UNC13C: variants seen among roughly 807,000 people sequenced by gnomAD.
UNC13C encodes unc-13 homolog C.
In UNC13C, 174 loss-of-function variants were observed where a neutral mutation model predicts 245.4. The ratio of observed to expected loss-of-function variants is 0.71; its 90% CI spans 0.63 to 0.80. The LOEUF (loss-of-function observed/expected upper bound fraction) is 0.80, where lower values mean the gene tolerates loss of function less well. Ranked by LOEUF, UNC13C falls within the 30% of genes least tolerant of loss-of-function variation. UNC13C has a pLI of 0.00. For missense variants in UNC13C, 2,829 were observed against 2,602.9 expected, an observed-to-expected ratio of 1.09 and a Z score of -1.89; for synonymous variants, 992 against 895.1, an observed-to-expected ratio of 1.11 and a Z score of -1.93.
intron 19 of UNC13C, among the ~76,000 whole-genome samples, chr15:54,454,475 G>T (rs1190370681): frequency 6.6e-6 from 1 of 151,952 alleles, no homozygotes; most frequent in African/African-American, 2.4e-5. Context: ...GGTCTCAGGA[G>T]GCTGAGGCTG....
chr15:53,885,504 T>A, the UNC13C span, among the ~76,000 whole-genome samples: 1 of 152,218 alleles, frequency 6.6e-6, no homozygotes, highest in African/African-American at 2.4e-5. Flanking sequence ...TGTCATTGGA[T>A]CATACTCTTG....
At chr15:54,163,314 GA>G (rs933280070) in intron 4 of UNC13C, among the ~76,000 whole-genome samples, 3 of 151,944 alleles carry the variant, frequency 2.0e-5, no homozygotes, top group African/African-American at 7.3e-5. Context: ...AAAAGACAAG[GA>G]AAAAAAATCT....
At chr15:54,495,973 G>C (rs2141090753) in intron 20 of UNC13C, among the ~76,000 whole-genome samples, 1 of 152,088 alleles carries the variant, frequency 6.6e-6, no homozygotes. Context: ...TTTTAGTTAA[G>C]TAGGAGGAAT....
intron 30 of UNC13C, among the ~76,000 whole-genome samples, chr15:54,610,271 T>C (rs1429548253): frequency 6.6e-6 from 1 of 152,174 alleles, no homozygotes; most frequent in Non-Finnish European, 1.5e-5. Flanking sequence ...AGTCTTGCTC[T>C]GTCGCCCAGG....
At chr15:54,490,193 T>TA (rs1893631864) in intron 19 of UNC13C, among the ~76,000 whole-genome samples, 1 of 152,196 alleles carries the variant, frequency 6.6e-6, no homozygotes, top group South Asian at 2.1e-4. Flanking sequence ...CCCTGATACT[T>TA]AGAGTTATCA....
Position 54,012,958 on chromosome 15 carries a change from A to G in UNC13C, c.55A>G (p.Lys19Glu). ...LILPYIHKLC[K>E]GMFTKKLGNT... ...TTTACCTTACATTCATAAGCTTTGC[A>G]AAGGAATGTTTACAAAGAAATTGGG... The change falls in exon 2 of 33, where the codon AAA becomes GAA. Residue 19 changes from lysine to glutamate, a missense_variant. Coordinates refer to ENST00000260323, the MANE Select transcript of UNC13C (RefSeq NM_001080534.3). 1 of 1,613,466 alleles carries G rather than the reference A, an allele frequency of 6.2e-7. No individual in the cohort carries two copies. Among genetic ancestry groups the G allele is most frequent in the Non-Finnish European group, 8.5e-7 (1 of 1,179,718 alleles).
At chr15:54,339,656 T>C (rs575522452) in intron 17 of UNC13C, among the ~76,000 whole-genome samples, 16 of 151,942 alleles carry the variant, frequency 1.1e-4, no homozygotes, top group African/African-American at 3.1e-4. Context: ...TATATATATA[T>C]ATATATATCA....
intron 4 of UNC13C, among the ~76,000 whole-genome samples, chr15:54,171,317 C>T (rs1237697859): frequency 1.3e-5 from 2 of 152,004 alleles, no homozygotes; most frequent in African/African-American, 4.8e-5. Context: ...AAGAGACAAT[C>T]CACAGAATGG....
chr15:54,530,811 G>T (rs981831242), intron 25 of UNC13C, among the ~76,000 whole-genome samples: 4 of 152,092 alleles, frequency 2.6e-5, no homozygotes, highest in Admixed American at 2.0e-4. Flanking sequence ...ACAGAAGGAA[G>T]AGTGGCAAGA....
chr15:54,178,920 C>T (rs1567072391), intron 4 of UNC13C, among the ~76,000 whole-genome samples: 1 of 151,994 alleles, frequency 6.6e-6, no homozygotes, highest in Non-Finnish European at 1.5e-5. Context: ...ATGATATCTA[C>T]CAAATTTGGA....
chr15:54,427,179 C>T (rs2040775967), intron 19 of UNC13C, among the ~76,000 whole-genome samples: 1 of 151,732 alleles, frequency 6.6e-6, no homozygotes, highest in Non-Finnish European at 1.5e-5. Flanking sequence ...CCCACTGAAA[C>T]CTCAACTCGA....
chr15:54,099,310 G>A (rs916697277), intron 2 of UNC13C, among the ~76,000 whole-genome samples: 1 of 152,054 alleles, frequency 6.6e-6, no homozygotes, highest in South Asian at 2.1e-4. Flanking sequence ...GCCAGGTCAG[G>A]GTTAAATCTA....
intron 2 of UNC13C, among the ~76,000 whole-genome samples, chr15:54,124,359 A>G (rs982901232): frequency 5.3e-5 from 8 of 152,198 alleles, no homozygotes; most frequent in African/African-American, 1.9e-4. Context: ...GAGACATTTC[A>G]CTATGGTTTT....
chr15:54,225,983 C>T (rs1384802058), intron 4 of UNC13C, among the ~76,000 whole-genome samples: 3 of 152,126 alleles, frequency 2.0e-5, no homozygotes, highest in East Asian at 1.9e-4. Context: ...TATGTTCCTT[C>T]AATACCTAGT....
chr15:54,120,315 T>C (rs528457855), intron 2 of UNC13C, among the ~76,000 whole-genome samples: 130 of 152,258 alleles, frequency 8.5e-4, no homozygotes, highest in African/African-American at 3.1e-3. Context: ...TTGGGAATTA[T>C]GCTGAGTCTA....
intron 19 of UNC13C, among the ~76,000 whole-genome samples, chr15:54,419,269 G>A (rs947764796): frequency 6.6e-6 from 1 of 152,104 alleles, no homozygotes; most frequent in African/African-American, 2.4e-5. Flanking sequence ...TAACTGGTCA[G>A]CCACTTTCTC....
chr15:54,165,936 A>G (rs1041211404), intron 4 of UNC13C, among the ~76,000 whole-genome samples: 2 of 151,964 alleles, frequency 1.3e-5, no homozygotes, highest in Non-Finnish European at 2.9e-5. Context: ...TAACAGGTGA[A>G]TTCAAAATGT....
intron 30 of UNC13C, among the ~76,000 whole-genome samples, chr15:54,614,624 G>T (rs1003113923): frequency 8.6e-5 from 13 of 151,884 alleles, no homozygotes; most frequent in African/African-American, 3.1e-4. Context: ...AAACTGGCTG[G>T]ATTAAAATTC....
At chr15:54,051,096 T>C (rs1897250976) in intron 2 of UNC13C, among the ~76,000 whole-genome samples, 1 of 152,212 alleles carries the variant, frequency 6.6e-6, no homozygotes, top group Non-Finnish European at 1.5e-5. Context: ...TGTGATTTTC[T>C]TTTTTGCCTT....
Sources: gnomAD v4.1 joint callset for allele counts (sites outside exome capture counted in the v4.1 genomes callset) on GRCh38, gnomAD v4.1.1 for gene constraint, MANE v1.5 for transcripts, NCBI Gene and HGNC (gene_info 2026-07-23, HGNC 2026-07-21) for gene names.